The following NRG1 variants were observed in gnomAD, a reference collection of about 807,000 sequenced individuals.
The protein encoded by NRG1 is neuregulin 1.
A neutral mutation model predicts 63.8 loss-of-function variants in NRG1; 18 were observed. The ratio of observed to expected loss-of-function variants is 0.28; its 90% CI spans 0.19 to 0.42. The LOEUF (loss-of-function observed/expected upper bound fraction) is 0.42. Ranked by LOEUF, NRG1 falls within the 10% of genes least tolerant of loss-of-function variation. The pLI is 1.00. For missense variants in NRG1, 762 were observed against 814.7 expected (o/e 0.94, Z 0.79); for synonymous variants, 302 against 301.3 (o/e 1.00, Z -0.02).
intron 1 of NRG1, among the ~76,000 whole-genome samples, chr8:32,360,917 T>C (rs1478501958): frequency 1.3e-5 from 2 of 152,190 alleles, no homozygotes; most frequent in Admixed American, 1.3e-4. Context: ...GAGGTAGAGC[T>C]GGCCCTGGCT....
At chr8:32,341,010 A>C (rs1215517185) in intron 1 of NRG1, among the ~76,000 whole-genome samples, 1 of 152,248 alleles carries the variant, frequency 6.6e-6, no homozygotes, top group Admixed American at 6.5e-5. Flanking sequence ...GCTGAACCCA[A>C]TAACAATACG....
chr8:32,433,310 A>C (rs991883147), intron 1 of NRG1, among the ~76,000 whole-genome samples: 5 of 152,100 alleles, frequency 3.3e-5, no homozygotes, highest in African/African-American at 7.2e-5. Flanking sequence ...CAGTTAGCAA[A>C]GAGGTGACAG....
intron 5 of NRG1, among the ~76,000 whole-genome samples, chr8:32,679,202 A>G (rs553743721): frequency 3.3e-5 from 5 of 152,308 alleles, no homozygotes; most frequent in African/African-American, 1.2e-4. Flanking sequence ...ATGACTGATT[A>G]GTATTTTCAT....
chr8:32,708,587 T>C (rs1817020287), intron 5 of NRG1, among the ~76,000 whole-genome samples: 1 of 152,224 alleles, frequency 6.6e-6, no homozygotes, highest in Non-Finnish European at 1.5e-5. Context: ...ACCTGTAGGG[T>C]CTTGGCAAAC....
Position 32,605,738 on chromosome 8 carries a change from CAT to C in NRG1, c.400+56_400+57del, listed in dbSNP as rs976400171. On this transcript the variant is annotated intron_variant, in intron 3 of 11. Coordinates refer to ENST00000356819, the Ensembl canonical transcript of NRG1. ...CAATCTGTAACAAGAGTAATCAAAACATGTGGTAAGACTCATAATAGACTGGT... is the reference window on the plus strand; with the variant it reads ...CAATCTGTAACAAGAGTAATCAAAACGTGGTAAGACTCATAATAGACTGGT... 156 of 1,592,720 alleles carry C rather than the reference CAT, an allele frequency of 9.8e-5. 4 individuals carry two copies. In the Admixed American group the frequency reaches 1.9e-3, roughly 19 times the overall value.
At chr8:31,829,333 T>C (rs1006635989) in intron 1 of NRG1, among the ~76,000 whole-genome samples, 1 of 152,228 alleles carries the variant, frequency 6.6e-6, no homozygotes, top group African/African-American at 2.4e-5. Context: ...AATACATTGC[T>C]GGACACTTAA....
chr8:32,629,440 T>C (rs1176176591), intron 5 of NRG1, among the ~76,000 whole-genome samples: 1 of 152,204 alleles, frequency 6.6e-6, no homozygotes, highest in Admixed American at 6.5e-5. Context: ...GGAGTATTTA[T>C]TAAATGGATG....
At chr8:31,981,792 C>T (rs1809145806) in intron 1 of NRG1, among the ~76,000 whole-genome samples, 1 of 151,610 alleles carries the variant, frequency 6.6e-6, no homozygotes. Context: ...ATCAATCAAT[C>T]TCATAATTAA....
Position 32,430,825 on chromosome 8 carries a change from C to T in NRG1, c.38-165003C>T, listed in dbSNP as rs1018059158. On this transcript the variant is annotated intron_variant, in intron 1 of 10. Transcript: ENST00000519301. ...TTTTGTATTTTTGGTACATCAGAAA[C>T]ACTTTTCCCAATGTTTGTTAGTTTA... Among the ~76,000 whole-genome samples, 6 of 140,312 alleles carry T rather than the reference C, an allele frequency of 4.3e-5. No homozygotes were observed. In the Admixed American group the frequency reaches 4.4e-4, roughly 10 times the overall value. 92.1% of individuals were successfully genotyped at this position (140,312 alleles called of 152,430 possible).
intron 1 of NRG1, among the ~76,000 whole-genome samples, chr8:31,684,996 C>A (rs529384468): frequency 6.6e-6 from 1 of 152,210 alleles, no homozygotes; most frequent in East Asian, 1.9e-4. Flanking sequence ...GCCTTAGTAA[C>A]CCTGCACTGG....
chr8:32,378,875 CT>C (rs1223087708), intron 1 of NRG1, among the ~76,000 whole-genome samples: 5 of 149,934 alleles, frequency 3.3e-5, no homozygotes, highest in Non-Finnish European at 7.4e-5. Context: ...CGGTGTTTGG[CT>C]TTTTGTCCTT....
chr8:32,578,592 G>A (rs551212674), intron 1 of NRG1, among the ~76,000 whole-genome samples: 1 of 151,482 alleles, frequency 6.6e-6, no homozygotes, highest in African/African-American at 2.4e-5. Flanking sequence ...TCACCACAGT[G>A]CTGACAATAC....
chr8:31,724,194 G>A (rs528990385), intron 1 of NRG1, among the ~76,000 whole-genome samples: 2 of 152,190 alleles, frequency 1.3e-5, no homozygotes, highest in East Asian at 1.9e-4. Context: ...GCAAAATGTA[G>A]AGAGAAAACC....
At chr8:32,759,338 G>C (rs536928432) in exon 10 of NRG1, 1 of 1,613,760 alleles carries the variant, frequency 6.2e-7, no homozygotes, top group Non-Finnish European at 8.5e-7. Flanking sequence ...TCTCCAGTGA[G>C]CATATTGTTG....
At chr8:32,157,606 C>T (rs978074659) in intron 1 of NRG1, among the ~76,000 whole-genome samples, 4 of 151,352 alleles carry the variant, frequency 2.6e-5, no homozygotes, top group Non-Finnish European at 4.4e-5. Flanking sequence ...TTGCAGTAAG[C>T]AGAGATTGTG....
chr8:31,913,412 A>G (rs192969925), intron 1 of NRG1, among the ~76,000 whole-genome samples: 1 of 152,310 alleles, frequency 6.6e-6, no homozygotes, highest in East Asian at 1.9e-4. Flanking sequence ...ATAAACCCCA[A>G]ATGAATATTT....
chr8:32,636,610 T>C (rs1052708941), intron 5 of NRG1, among the ~76,000 whole-genome samples: 1 of 152,182 alleles, frequency 6.6e-6, no homozygotes, highest in Non-Finnish European at 1.5e-5. Flanking sequence ...ATGTGAACTT[T>C]ACATTTTCTC....
rs191777894 is a variant in NRG1 at position 32,683,474 on chromosome 8, G to A, written c.503-44475G>A. Among the ~76,000 whole-genome samples, 148 of 152,272 alleles carry A rather than the reference G, an allele frequency of 9.7e-4. 1 individual carries two copies. The highest frequency in any genetic ancestry group is 2.3e-3 in the Admixed American group (35 of 15,292). ...GGAAAGGGTGGAATCACCAAACAGA[G>A]TGCACTTTTCGGCATAGTAGCTTTC... On this transcript the variant is annotated intron_variant, in intron 5 of 11. Coordinates refer to ENST00000356819, the Ensembl canonical transcript of NRG1.
At chr8:31,753,638 A>G (rs568240004) in intron 1 of NRG1, among the ~76,000 whole-genome samples, 11 of 152,252 alleles carry the variant, frequency 7.2e-5, no homozygotes, top group African/African-American at 2.6e-4. Context: ...TGTTTTAATT[A>G]TCTATAGAGT....
Sources: gnomAD v4.1 joint callset for allele counts (sites outside exome capture counted in the v4.1 genomes callset) on GRCh38, gnomAD v4.1.1 for gene constraint, MANE v1.5 for transcripts, NCBI Gene and HGNC (gene_info 2026-07-23, HGNC 2026-07-21) for gene names.